WDR35: variants seen among roughly 807,000 people sequenced by gnomAD.
WDR35 encodes the protein WD repeat-containing protein 35.
A neutral mutation model predicts 158.3 loss-of-function variants in WDR35; 118 were observed. The observed-to-expected ratio is 0.75, with a 90% CI of 0.64 to 0.87. The LOEUF (loss-of-function observed/expected upper bound fraction) is 0.87. Ranked by LOEUF, WDR35 falls within the 40% of genes least tolerant of loss-of-function variation. The pLI, the probability that WDR35 is intolerant of heterozygous loss-of-function variation, is 0.00. For synonymous variants in WDR35, 448 were observed against 476.1 expected (o/e 0.94, Z 0.77); for missense variants, 1,263 against 1,405.8 (o/e 0.90, Z 1.62).
intron 12 of WDR35, among the ~76,000 whole-genome samples, chr2:19,952,626 G>A (rs988852822): frequency 2.6e-5 from 4 of 151,850 alleles, no homozygotes; most frequent in Middle Eastern, 3.2e-3. Context: ...TTGCTACCAC[G>A]GTAACGCCTA....
At chr2:19,978,076 C>T (rs1672266626) in intron 5 of WDR35, among the ~76,000 whole-genome samples, 1 of 152,100 alleles carries the variant, frequency 6.6e-6, no homozygotes, top group Admixed American at 6.6e-5. Flanking sequence ...AGTTACTCAT[C>T]CATCTCTCCT....
At chr2:19,947,532 C>T (rs139851020) in intron 14 of WDR35, among the ~76,000 whole-genome samples, 108 of 152,258 alleles carry the variant, frequency 7.1e-4, no homozygotes, top group African/African-American at 2.5e-3. Flanking sequence ...TCTCAGAGCT[C>T]AAGAAAAGAC....
intron 25 of WDR35, among the ~76,000 whole-genome samples, chr2:19,925,610 T>G (rs1235164053): frequency 6.6e-6 from 1 of 152,168 alleles, no homozygotes; most frequent in Non-Finnish European, 1.5e-5. Context: ...CTGAAGTATA[T>G]CAAAGTAGTT....
chr2:19,989,084 G>T, intron 2 of WDR35, 81 bp downstream of exon 2: 2 of 1,203,688 alleles, frequency 1.7e-6, no homozygotes, highest in African/African-American at 1.5e-5. Flanking sequence ...ACTGCATATT[G>T]ACAGATAACA....
Position 19,937,862 on chromosome 2 carries a change from G to T in WDR35, c.2148C>A (p.Gly716=). Reference sequence around the variant, plus strand: ...TGCCCAAGCGCTTCACAAACTTAATGCCTTGGTAATCTTTGCAGCGCACAA... The same window carrying T: ...TGCCCAAGCGCTTCACAAACTTAATTCCTTGGTAATCTTTGCAGCGCACAA... ...QAFVRCKDYQ[G]IKFVKRLGKL... The change falls in exon 19 of 27, where the codon GGC becomes GGA. Residue 716 remains glycine (G), a synonymous_variant. Transcript: ENST00000281405. The T allele has an allele frequency of 6.2e-7, 1 of 1,614,114 alleles. No homozygotes were observed. Among genetic ancestry groups the T allele is most frequent in the Non-Finnish European group, 8.5e-7 (1 of 1,180,012 alleles).
chr2:19,974,704 A>T, intron 6 of WDR35, 71 bp from the exon 7 acceptor site: 1 of 1,413,568 alleles, frequency 7.1e-7, no homozygotes, highest in Non-Finnish European at 9.7e-7. Flanking sequence ...TACTCAATAG[A>T]GTATTGTAGA....
chr2:19,974,264 GC>G (rs1434512545), intron 7 of WDR35, among the ~76,000 whole-genome samples: 1 of 151,654 alleles, frequency 6.6e-6, no homozygotes, highest in African/African-American at 2.4e-5. Context: ...TAAAAAATTA[GC>G]CAGGCATAGT....
intron 20 of WDR35, 70 bp downstream of exon 20, chr2:19,936,149 C>G: frequency 6.2e-7 from 1 of 1,605,018 alleles, no homozygotes; most frequent in South Asian, 1.1e-5. Flanking sequence ...AGGATTACTT[C>G]CTAGAGAAGT....
rs1558337538 is a variant in WDR35 at position 19,945,950 on chromosome 2, A to T, written c.1681T>A (p.Leu561Met). 6.2e-7 allele frequency: 1 copy of T among 1,613,960 alleles called. No homozygotes were observed. The highest frequency in any genetic ancestry group is 8.5e-7 in the Non-Finnish European group (1 of 1,179,844). ...GTACTGTCCGTTACTCGAGCATCCA[A>T]GTCAAAGAAAGTCAGAACTCCTGAG... ...DISGVLTFFD[L>M]DARVTDSTGQ... Residue 561 changes from leucine to methionine, a missense_variant, in exon 16 of 27, where the codon TTG becomes ATG. Coordinates refer to ENST00000281405, the MANE Select transcript of WDR35 (RefSeq NM_020779.4).
intron 25 of WDR35, among the ~76,000 whole-genome samples, chr2:19,915,587 T>A (rs1201119473): frequency 6.6e-6 from 1 of 152,022 alleles, no homozygotes; most frequent in Non-Finnish European, 1.5e-5. Context: ...ATGTCACATA[T>A]TAGTTAAAAC....
intron 25 of WDR35, among the ~76,000 whole-genome samples, chr2:19,924,433 G>A (rs537118581): frequency 4.6e-5 from 7 of 152,206 alleles, no homozygotes; most frequent in Admixed American, 6.5e-5. Flanking sequence ...GTGTGGTGGC[G>A]GGCGCCTGTA....
At position 19,938,029 on chromosome 2, in the gene WDR35, TTA is replaced by T. The variant is rs1405074073; in HGVS notation, c.2064-85_2064-84del. 2.0e-6 allele frequency: 3 copies of T among 1,496,320 alleles called. No homozygotes were observed. The East Asian group carries it at 6.8e-5, about 34-fold the overall frequency. 92.7% of individuals were successfully genotyped at this position (1,496,320 alleles called of 1,614,324 possible). ...TCTTGAATCACAATTCAATTATCAT[TTA>T]TGTCTATTATTTCTAGAGAAACATG... On this transcript the variant is annotated intron_variant, in intron 18 of 26. Coordinates refer to ENST00000281405, the MANE Select transcript of WDR35 (RefSeq NM_020779.4).
intron 11 of WDR35, among the ~76,000 whole-genome samples, chr2:19,956,618 C>CT (rs34318252): frequency 0.079 from 10,181 of 129,406 alleles, 609 homozygotes; most frequent in South Asian, 0.18. Flanking sequence ...CTTAATAATA[C>CT]TTTTTTTTTT....
intron 5 of WDR35, 124 bp downstream of exon 5, chr2:19,978,625 AAT>A: frequency 2.1e-6 from 3 of 1,401,242 alleles, no homozygotes; most frequent in Non-Finnish European, 3.0e-6. Context: ...TTGTATATCA[AAT>A]AGTTTCCCTT....
intron 16 of WDR35, among the ~76,000 whole-genome samples, chr2:19,942,504 A>C (rs1006533489): frequency 7.2e-5 from 11 of 151,876 alleles, no homozygotes; most frequent in Non-Finnish European, 1.2e-4. Flanking sequence ...CATATTATAA[A>C]GTAGCTGCCC....
chr2:19,925,293 G>A (rs995844190), intron 25 of WDR35, among the ~76,000 whole-genome samples: 3 of 152,210 alleles, frequency 2.0e-5, no homozygotes, highest in Non-Finnish European at 4.4e-5. Flanking sequence ...ATCTACTTCT[G>A]TTCCCTAGAA....
intron 13 of WDR35, among the ~76,000 whole-genome samples, chr2:19,950,280 T>C (rs993798659): frequency 2.0e-5 from 3 of 152,094 alleles, no homozygotes; most frequent in African/African-American, 7.2e-5. Context: ...TCATTAAAAA[T>C]ATTAAATGTA....
Position 19,939,419 on chromosome 2 carries a change from G to C in WDR35, c.1927-1018C>G, listed in dbSNP as rs377054447. Among the ~76,000 whole-genome samples the C allele has an allele frequency of 8.6e-5, 13 of 152,046 alleles. No homozygotes were observed. In the South Asian group the frequency reaches 2.7e-3, roughly 32 times the overall value. On this transcript the variant is annotated intron_variant, in intron 17 of 26. Coordinates refer to ENST00000281405, the MANE Select transcript of WDR35 (RefSeq NM_020779.4). ...ATATAATTTAAACTAATAACTACCT[G>C]GTTTTTCATAATTTTTCTTCTCAAC...
intron 11 of WDR35, among the ~76,000 whole-genome samples, chr2:19,959,184 T>C (rs968224714): frequency 6.6e-6 from 1 of 151,782 alleles, no homozygotes; most frequent in Non-Finnish European, 1.5e-5. Context: ...AAAATACAAA[T>C]AGTCATGCTC....
Sources: gnomAD v4.1 joint callset for allele counts (sites outside exome capture counted in the v4.1 genomes callset) on GRCh38, gnomAD v4.1.1 for gene constraint, MANE v1.5 for transcripts, NCBI Gene and HGNC (gene_info 2026-07-23, HGNC 2026-07-21) for gene names.